The following SLCO6A1 variants were observed in gnomAD, a reference collection of about 807,000 sequenced individuals.
SLCO6A1 encodes the protein solute carrier organic anion transporter family member 6A1.
A neutral mutation model predicts 72.7 loss-of-function variants in SLCO6A1; 65 were observed. The ratio of observed to expected loss-of-function variants is 0.89; its 90% confidence interval spans 0.73 to 1.10. SLCO6A1 has a LOEUF of 1.10. Ranked by LOEUF, SLCO6A1 falls within the 50% of genes least tolerant of loss-of-function variation. The pLI is 0.00. For missense variants in SLCO6A1, 874 were observed against 872.6 expected, an observed-to-expected ratio of 1.00 and a Z score of -0.02; for synonymous variants, 314 against 298.2, an observed-to-expected ratio of 1.05 and a Z score of -0.55.
chr5:102,395,488 C>T, intron 10 of SLCO6A1, among the ~76,000 whole-genome samples: 1 of 152,090 alleles, frequency 6.6e-6, no homozygotes, highest in Non-Finnish European at 1.5e-5. Flanking sequence ...GTGAATAGTG[C>T]CACAGTAAAC....
intron 10 of SLCO6A1, 101 bp from the exon 11 acceptor site, chr5:102,391,146 A>C: frequency 8.7e-7 from 1 of 1,147,764 alleles, no homozygotes; most frequent in Non-Finnish European, 1.3e-6. Flanking sequence ...CTGGTGCATC[A>C]ATTGTACTAA....
chr5:102,480,340 G>T lies in SLCO6A1; in HGVS notation c.453C>A (p.Tyr151Ter), dbSNP rs143064096. The T allele has an allele frequency of 6.2e-7, 1 of 1,613,430 alleles. No homozygotes were observed. The highest frequency in any genetic ancestry group is 1.1e-5 in the South Asian group (1 of 91,058). The part of the protein sequence containing the change: ...TIEKLALEKS[Y>*]DISSGLVAIF... ...TTGCTACCAGGCCAGATGAAATATC[G>T]TAACTCTTTTCCAATGCCAACTTCT... The change falls in exon 2 of 14, where the codon TAC (tyrosine) becomes TAA (stop). Residue 151 changes from tyrosine (Y) to a stop codon, truncating the protein, a stop_gained. Coordinates refer to ENST00000506729, the MANE Select transcript of SLCO6A1 (RefSeq NM_173488.5). LOFTEE classifies it high-confidence loss of function.
chr5:102,404,921 T>G (rs1236490568), intron 9 of SLCO6A1, among the ~76,000 whole-genome samples: 1 of 152,128 alleles, frequency 6.6e-6, no homozygotes, highest in East Asian at 1.9e-4. Context: ...GCCAAAACTT[T>G]AATTCAAAAC....
At chr5:102,414,425 GA>G (rs1332228608) in intron 8 of SLCO6A1, among the ~76,000 whole-genome samples, 3 of 152,042 alleles carry the variant, frequency 2.0e-5, no homozygotes, top group Non-Finnish European at 4.4e-5. Flanking sequence ...TTCCAAATTG[GA>G]AAAGAGAAAG....
intron 8 of SLCO6A1, among the ~76,000 whole-genome samples, chr5:102,417,302 C>A (rs1328816256): frequency 1.3e-5 from 2 of 150,742 alleles, no homozygotes; most frequent in South Asian, 2.1e-4. Flanking sequence ...TAAAGATTAT[C>A]TCCCTTTTAA....
At chr5:102,429,608 G>A (rs1045704692) in intron 7 of SLCO6A1, among the ~76,000 whole-genome samples, 1 of 151,060 alleles carries the variant, frequency 6.6e-6, no homozygotes, top group Admixed American at 6.6e-5. Flanking sequence ...AAGATCAGAT[G>A]GTTGTAGGTG....
chr5:102,460,752 C>A (rs1476334549), intron 4 of SLCO6A1, among the ~76,000 whole-genome samples: 1 of 151,848 alleles, frequency 6.6e-6, no homozygotes, highest in Non-Finnish European at 1.5e-5. Flanking sequence ...CAACTTCTTA[C>A]AGACCTTGTT....
intron 6 of SLCO6A1, among the ~76,000 whole-genome samples, chr5:102,450,669 T>C (rs1750367078): frequency 6.6e-6 from 1 of 152,192 alleles, no homozygotes; most frequent in African/African-American, 2.4e-5. Flanking sequence ...GGGGCAAGGA[T>C]CTTGGCAGTG....
chr5:102,492,158 C>T (rs2112864680), intron 1 of SLCO6A1, among the ~76,000 whole-genome samples: 1 of 152,282 alleles, frequency 6.6e-6, no homozygotes, highest in Non-Finnish European at 1.5e-5. Context: ...GACCCTCCTC[C>T]AACATTGGGG....
At chr5:102,445,622 A>C (rs1168202776) in intron 6 of SLCO6A1, among the ~76,000 whole-genome samples, 1 of 151,996 alleles carries the variant, frequency 6.6e-6, no homozygotes, top group Non-Finnish European at 1.5e-5. Context: ...GATTGTTTTC[A>C]GAGTCTCCAT....
rs751209517 is a variant in SLCO6A1, at chr5:102,498,889, G to A, written c.-45C>T. 10 of 1,543,928 alleles carry A rather than the reference G, an allele frequency of 6.5e-6. No individual in the cohort carries two copies. Among genetic ancestry groups the A allele is most frequent in the African/African-American group, 1.4e-5 (1 of 73,210 alleles). ...CTGGCGACGCGGCCCGAGTGCTCTC[G>A]GCTGCCCGTCCTGCCTGGGCCAACC... On this transcript the variant is annotated 5_prime_UTR_variant, in exon 1 of 14. Transcript: ENST00000506729.
chr5:102,467,907 T>C (rs1160282088), intron 4 of SLCO6A1, among the ~76,000 whole-genome samples: 1 of 152,148 alleles, frequency 6.6e-6, no homozygotes, highest in African/African-American at 2.4e-5. Context: ...CTCCAGTTCC[T>C]TGAGGTGTGA....
chr5:102,399,567 A>C lies in SLCO6A1; in HGVS notation c.1802T>G (p.Leu601Trp). The change falls in exon 10 of 14, where the codon TTG becomes TGG. Residue 601 changes from leucine to tryptophan, a missense_variant. By Grantham distance (61) the Leu-to-Trp change is moderately conservative (BLOSUM62 -2). Transcript: ENST00000506729. ...FSGFSGVPIV[L>W]AMTRVVPDKL... ...AATATATACATACCGCGTCATGGCC[A>C]AGACGATTGGTACACCAGAAAAACC... 6.4e-7 allele frequency: 1 copy of C among 1,561,696 alleles called. No individual in the cohort carries two copies. Among genetic ancestry groups the C allele is most frequent in the Non-Finnish European group, 8.7e-7 (1 of 1,150,950 alleles).
intron 4 of SLCO6A1, among the ~76,000 whole-genome samples, chr5:102,461,245 A>C (rs898344644): frequency 2.0e-5 from 3 of 151,970 alleles, no homozygotes; most frequent in Non-Finnish European, 4.4e-5. Flanking sequence ...AATGCCTAGG[A>C]ATAGGCTTAA....
intron 7 of SLCO6A1, among the ~76,000 whole-genome samples, chr5:102,429,478 G>C (rs1376932996): frequency 6.6e-6 from 1 of 152,090 alleles, no homozygotes; most frequent in Non-Finnish European, 1.5e-5. Context: ...GTTGATTTTT[G>C]TATATGGTAT....
chr5:102,437,236 A>G (rs1478433653), intron 7 of SLCO6A1, among the ~76,000 whole-genome samples: 8 of 152,212 alleles, frequency 5.3e-5, no homozygotes, highest in Admixed American at 4.6e-4. Flanking sequence ...CAACATTATT[A>G]CAGATGATAA....
At chr5:102,433,255 C>T (rs1402842361) in intron 7 of SLCO6A1, among the ~76,000 whole-genome samples, 3 of 152,184 alleles carry the variant, frequency 2.0e-5, no homozygotes, top group East Asian at 1.9e-4. Flanking sequence ...ATTCTGAATT[C>T]TATTTCAGTC....
intron 9 of SLCO6A1, among the ~76,000 whole-genome samples, chr5:102,408,641 G>A (rs1426047475): frequency 6.6e-6 from 1 of 152,046 alleles, no homozygotes; most frequent in Admixed American, 6.6e-5. Flanking sequence ...TCCATACCCA[G>A]TGAAAACCGT....
intron 9 of SLCO6A1, among the ~76,000 whole-genome samples, chr5:102,403,297 C>G (rs985075782): frequency 6.6e-6 from 1 of 152,092 alleles, no homozygotes; most frequent in African/African-American, 2.4e-5. Flanking sequence ...AGTCTCTACA[C>G]AGTTACCAGA....
Sources: gnomAD v4.1 joint callset for allele counts (sites outside exome capture counted in the v4.1 genomes callset) on GRCh38, gnomAD v4.1.1 for gene constraint, MANE v1.5 for transcripts, NCBI Gene and HGNC (gene_info 2026-07-23, HGNC 2026-07-21) for gene names.